SLC38A10: variants seen among roughly 807,000 people sequenced by gnomAD.
SLC38A10 encodes solute carrier family 38 member 10.
In SLC38A10, 53 loss-of-function variants were observed where a neutral mutation model predicts 81.0. The observed-to-expected ratio is 0.65, with a 90% CI of 0.53 to 0.82. The LOEUF is 0.82. Ranked by LOEUF, SLC38A10 falls within the 40% of genes least tolerant of loss-of-function variation. The probability of loss-of-function intolerance (pLI) is 0.00; values close to 1 mark genes in which losing one functional copy is unlikely to be tolerated. For synonymous variants in SLC38A10, 665 were observed against 655.3 expected (o/e 1.01, Z -0.23); for missense variants, 1,471 against 1,545.0 (o/e 0.95, Z 0.80).
chr17:81,270,856 C>T lies in SLC38A10; in HGVS notation c.1131+62G>A, dbSNP rs972560479. On this transcript the variant is annotated intron_variant, in intron 10 of 15. Transcript: ENST00000374759. This position sits in a 1 kb window ranked among gnomAD's most constrained non-coding sequence, Gnocchi z 4.0. ...CTGAACCAGGGGCTTCCTCCCGCCTCCACCTCTCCCCAGCCCAGACCCATC... is the reference window on the plus strand; with the variant it reads ...CTGAACCAGGGGCTTCCTCCCGCCTTCACCTCTCCCCAGCCCAGACCCATC... 4 of 1,438,132 alleles carry T rather than the reference C, an allele frequency of 2.8e-6. No individual in the cohort carries two copies. The highest frequency in any genetic ancestry group is 1.4e-5 in the African/African-American group (1 of 71,060). The allele number at this position is 1,438,132 out of a possible 1,614,324, so 89.1% of individuals were successfully genotyped here.
intron 10 of SLC38A10, among the ~76,000 whole-genome samples, chr17:81,260,846 G>C (rs2063016468): frequency 6.6e-6 from 1 of 152,248 alleles, no homozygotes; most frequent in Admixed American, 6.5e-5. Flanking sequence ...CTGCCTGGGA[G>C]AGGAACAGGA....
chr17:81,260,527 G>A (rs1394180784), intron 10 of SLC38A10, 133 bp from the exon 11 acceptor site: 24 of 1,246,506 alleles, frequency 1.9e-5, no homozygotes, highest in East Asian at 2.6e-5. Context: ...AAAGTCCCCC[G>A]AGGACGGGAC....
At chr17:81,294,250 C>T (rs2063331212) in intron 1 of SLC38A10, among the ~76,000 whole-genome samples, 1 of 152,048 alleles carries the variant, frequency 6.6e-6, no homozygotes, top group Non-Finnish European at 1.5e-5. Context: ...AGGCAGTTCT[C>T]GAACTCCTGA....
intron 14 of SLC38A10, 116 bp from the exon 15 acceptor site, chr17:81,247,177 G>A (rs1432871638): frequency 6.4e-5 from 69 of 1,074,090 alleles, no homozygotes; most frequent in South Asian, 1.6e-4. Flanking sequence ...GAGTGTGCCC[G>A]AACACTGGCC....
chr17:81,260,330 T>C lies in SLC38A10; in HGVS notation c.1196A>G (p.Glu399Gly). Reference sequence around the variant, plus strand: ...CTCTGCCAAGTCCTCGGGGACCTCCTCGCTCACAGACAGTGTGGTGACAGT... The same window carrying C: ...CTCTGCCAAGTCCTCGGGGACCTCCCCGCTCACAGACAGTGTGGTGACAGT... The part of the protein sequence containing the change: ...VSTVTTLSVS[E>G]EVPEDLAEEA... The change falls in exon 11 of 16, where the codon GAG becomes GGG. Residue 399 changes from glutamate (E) to glycine (G), a missense_variant. Coordinates refer to ENST00000374759, the MANE Select transcript of SLC38A10 (RefSeq NM_001037984.3). 6.2e-7 allele frequency: 1 copy of C among 1,609,424 alleles called. No homozygotes were observed. Among genetic ancestry groups the C allele is most frequent in the Non-Finnish European group, 8.5e-7 (1 of 1,178,522 alleles).
chr17:81,290,311 A>C (rs1404030316), intron 1 of SLC38A10, among the ~76,000 whole-genome samples: 1 of 152,234 alleles, frequency 6.6e-6, no homozygotes, highest in Non-Finnish European at 1.5e-5. Context: ...CCTGTATGCC[A>C]ATGTTTACAG....
intron 8 of SLC38A10, among the ~76,000 whole-genome samples, chr17:81,275,467 C>T (rs2063151656): frequency 1.3e-5 from 2 of 151,510 alleles, no homozygotes; most frequent in Non-Finnish European, 2.9e-5. Flanking sequence ...GGCGCGGTGG[C>T]TCACGCCTGT....
chr17:81,262,691 C>G lies in SLC38A10; in HGVS notation c.1132-2297G>C, dbSNP rs576892245. Among the ~76,000 whole-genome samples the G allele has an allele frequency of 1.6e-4, 24 of 152,344 alleles. No homozygotes were observed. In the East Asian group the frequency reaches 4.4e-3, roughly 28 times the overall value. Reference sequence around the variant, plus strand: ...CGGCTGGTCAGGACAGGAGACTCCCCAGGTGGGAATCCCAGGAGCCCAGAG... The same window carrying G: ...CGGCTGGTCAGGACAGGAGACTCCCGAGGTGGGAATCCCAGGAGCCCAGAG... On this transcript the variant is annotated intron_variant, in intron 10 of 15. Transcript: ENST00000374759.
chr17:81,271,655 T>C (rs919341947), intron 9 of SLC38A10, among the ~76,000 whole-genome samples: 1 of 151,940 alleles, frequency 6.6e-6, no homozygotes, highest in African/African-American at 2.4e-5. Flanking sequence ...TGTTCTAGAA[T>C]AGTTGGTTCT....
At chr17:81,271,748 A>ATTT (rs756214430) in intron 9 of SLC38A10, among the ~76,000 whole-genome samples, 3,646 of 121,046 alleles carry the variant, frequency 0.03, 111 homozygotes, top group African/African-American at 0.063. Flanking sequence ...AAGCTGACAG[A>ATTT]TTTTTTTTTT....
At chr17:81,256,957 G>A (rs1009317204) in intron 11 of SLC38A10, among the ~76,000 whole-genome samples, 3 of 152,320 alleles carry the variant, frequency 2.0e-5, no homozygotes, top group African/African-American at 7.2e-5. Flanking sequence ...TGCCTCCGCC[G>A]TGGCTGGCAC....
At chr17:81,258,394 C>G (rs368032976) in intron 11 of SLC38A10, among the ~76,000 whole-genome samples, 7 of 152,140 alleles carry the variant, frequency 4.6e-5, no homozygotes, top group Admixed American at 4.6e-4. Context: ...GTTACAGCCT[C>G]GTGGAAGAAA....
Position 81,245,695 on chromosome 17 carries a change from AGGCCAATGATGACCCCATCCCTCG to A in SLC38A10, c.3197_3220del (p.Pro1066_Gly1073del). ...CACCTGGACATCAGGCAGGGGGTTA[AGGCCAATGATGACCCCATCCCTCG>A]GGGCCAGCTGACCCTCTGCATGAGG... On this transcript the variant is annotated inframe_deletion, in exon 16 of 16. Transcript: ENST00000374759. 6.3e-7 allele frequency: 1 copy of A among 1,581,790 alleles called. No homozygotes were observed. The highest frequency in any genetic ancestry group is 8.6e-7 in the Non-Finnish European group (1 of 1,162,590).
chr17:81,249,267 AGG>A (rs2062882921), intron 14 of SLC38A10, among the ~76,000 whole-genome samples: 1 of 7,806 alleles, frequency 1.3e-4, no homozygotes, highest in Admixed American at 1.4e-3. Flanking sequence ...AGGAGGAGGG[AGG>A]AGGAGGAAGG....
Position 81,272,220 on chromosome 17 carries a change from C to T in SLC38A10, c.1024+296G>A, listed in dbSNP as rs567579860. ...GCTAATTTTGTATTTTTAGTAGAGA[C>T]GGGGTTTCTCCACATTGGTCAGGCT... On this transcript the variant is annotated intron_variant, in intron 9 of 15. Coordinates refer to ENST00000374759, the MANE Select transcript of SLC38A10 (RefSeq NM_001037984.3). 1.4e-3 allele frequency among the ~76,000 whole-genome samples: 214 copies of T among 152,134 alleles called. 1 individual carries two copies. Among genetic ancestry groups the T allele is most frequent in the African/African-American group, 4.9e-3 (205 of 41,500 alleles).
At chr17:81,279,207 C>G (rs1361083795) in intron 6 of SLC38A10, among the ~76,000 whole-genome samples, 1 of 152,252 alleles carries the variant, frequency 6.6e-6, no homozygotes, top group Non-Finnish European at 1.5e-5. Context: ...TCCAGGGCCT[C>G]CTGGGCTCAG....
At chr17:81,266,598 G>A (rs1343838199) in intron 10 of SLC38A10, among the ~76,000 whole-genome samples, 3 of 146,590 alleles carry the variant, frequency 2.0e-5, no homozygotes, top group Admixed American at 1.4e-4. Flanking sequence ...CAGCCTGGGC[G>A]ACAGAGTGAG....
At chr17:81,257,513 G>T (rs767181839) in intron 11 of SLC38A10, among the ~76,000 whole-genome samples, 1 of 152,218 alleles carries the variant, frequency 6.6e-6, no homozygotes, top group Non-Finnish European at 1.5e-5. Context: ...CATTGTCTGA[G>T]ATCACCCCGC....
chr17:81,249,402 T>A (rs139403698), intron 14 of SLC38A10, among the ~76,000 whole-genome samples: 129 of 512 alleles, frequency 0.25, 19 homozygotes, highest in East Asian at 0.4. Context: ...AAGAGGAGGA[T>A]GAAGGAGGGA....
Sources: gnomAD v4.1 joint callset for allele counts (sites outside exome capture counted in the v4.1 genomes callset) on GRCh38, gnomAD v4.1.1 for gene constraint, Gnocchi (gnomAD v3.1) non-coding constraint, MANE v1.5 for transcripts, NCBI Gene and HGNC (gene_info 2026-07-23, HGNC 2026-07-21) for gene names.